Variants in CUX1 observed in about 807,000 individuals in gnomAD.
The protein encoded by CUX1 is protein CASP.
Under a neutral mutation model 158.8 loss-of-function variants are expected in CUX1, and 31 were observed. That is an observed-to-expected ratio of 0.20 (90% CI 0.15 to 0.26). The LOEUF is 0.26. Among genes scored for constraint, CUX1 ranks in the 10% least tolerant of loss-of-function variants. The pLI is 1.00. For synonymous variants in CUX1, 879 were observed against 862.1 expected (o/e 1.02, Z -0.34); for missense variants, 1,589 against 2,014.6 (o/e 0.79, Z 4.04).
intron 2 of CUX1, among the ~76,000 whole-genome samples, chr7:101,962,428 T>G (rs1175004715): frequency 2.0e-5 from 3 of 152,220 alleles, no homozygotes; most frequent in Non-Finnish European, 4.4e-5. Flanking sequence ...CTAAAGCTGT[T>G]GTGTATAAAT....
intron 2 of CUX1, among the ~76,000 whole-genome samples, chr7:101,936,627 C>T (rs1253312712): frequency 6.6e-6 from 1 of 152,138 alleles, no homozygotes; most frequent in African/African-American, 2.4e-5. Flanking sequence ...GCCCGGCTGC[C>T]GTGGGTGGTC....
intron 21 of CUX1, among the ~76,000 whole-genome samples, chr7:102,229,504 G>T (rs1309200095): frequency 2.0e-5 from 3 of 150,826 alleles, no homozygotes; most frequent in Admixed American, 6.6e-5. Flanking sequence ...TAGAGACAGG[G>T]TTTCACCACG....
rs138897896 is a variant in CUX1 at position 102,044,293 on chromosome 7, G to A, written c.189+16148G>A. On this transcript the variant is annotated intron_variant, in intron 3 of 23. Coordinates refer to ENST00000292535, the MANE Select transcript of CUX1 (RefSeq NM_181552.4). ...CAACCTCCACCTCCTAGGTTCCAGCGATTCTCCTGCCTCAGCCTCCCAAGT... is the reference window on the plus strand; with the variant it reads ...CAACCTCCACCTCCTAGGTTCCAGCAATTCTCCTGCCTCAGCCTCCCAAGT... Among the ~76,000 whole-genome samples the A allele has an allele frequency of 8.8e-3, 1,341 of 152,124 alleles. 15 individuals are homozygous for A. Among genetic ancestry groups the A allele is most frequent in the Non-Finnish European group, 0.013 (886 of 67,988 alleles).
intron 22 of CUX1, chr7:102,282,795 G>GCC: frequency 1.9e-6 from 3 of 1,595,576 alleles, no homozygotes; most frequent in Non-Finnish European, 2.6e-6. Context: ...CCCCACTTGG[G>GCC]CCCCCCCTCA....
chr7:102,193,769 T>C (rs1794513756), intron 12 of CUX1, 73 bp from the exon 13 acceptor site: 1 of 1,520,188 alleles, frequency 6.6e-7, no homozygotes. Context: ...GCCACTGCAC[T>C]CTAGCCTGGG....
At chr7:102,020,269 C>G (rs1321419433) in intron 2 of CUX1, among the ~76,000 whole-genome samples, 3 of 152,142 alleles carry the variant, frequency 2.0e-5, no homozygotes, top group Non-Finnish European at 2.9e-5. Flanking sequence ...ATAAAAGTAA[C>G]CAAAGGAACG....
At chr7:102,210,037 T>G (rs1254850869) in intron 20 of CUX1, among the ~76,000 whole-genome samples, 1 of 152,096 alleles carries the variant, frequency 6.6e-6, no homozygotes, top group Non-Finnish European at 1.5e-5. Flanking sequence ...ATAGACACTT[T>G]CCACCACACT....
At chr7:101,839,822 C>T (rs117855630) in intron 1 of CUX1, among the ~76,000 whole-genome samples, 2,952 of 152,204 alleles carry the variant, frequency 0.019, 47 homozygotes, top group South Asian at 0.058. Context: ...AGTACAATGG[C>T]GCGGTCTTGG....
chr7:101,992,302 G>A (rs954716438), intron 2 of CUX1, among the ~76,000 whole-genome samples: 1 of 152,136 alleles, frequency 6.6e-6, no homozygotes, highest in African/African-American at 2.4e-5. Flanking sequence ...TACCTGCTCA[G>A]CAGTATTGTG....
intron 2 of CUX1, among the ~76,000 whole-genome samples, chr7:101,965,573 C>G (rs1279766878): frequency 6.6e-6 from 1 of 152,006 alleles, no homozygotes; most frequent in Non-Finnish European, 1.5e-5. Flanking sequence ...CTTGGCCAGG[C>G]GCGGTGGCTC....
chr7:102,100,989 G>A (rs1301220939), intron 5 of CUX1, among the ~76,000 whole-genome samples: 2 of 152,188 alleles, frequency 1.3e-5, no homozygotes, highest in South Asian at 2.1e-4. Context: ...GGCAGAAGGT[G>A]AAAGAGGATC....
chr7:101,932,665 A>G (rs1402438847), intron 2 of CUX1: 3 of 445,988 alleles, frequency 6.7e-6, no homozygotes, highest in Non-Finnish European at 4.5e-6. Context: ...GCAGACAAGT[A>G]TATTTTCATT....
chr7:102,197,330 C>T (rs1554518674), intron 15 of CUX1, 25 bp downstream of exon 15: 20 of 1,603,208 alleles, frequency 1.2e-5, no homozygotes, highest in Non-Finnish European at 1.7e-5. Context: ...TTGGGTGGCG[C>T]CAGCGTGCGA....
intron 2 of CUX1, among the ~76,000 whole-genome samples, chr7:101,947,921 T>A (rs1007293938): frequency 2.0e-5 from 3 of 152,224 alleles, no homozygotes; most frequent in African/African-American, 7.2e-5. Context: ...TCCTGAGGAC[T>A]ATTGCTTACG....
chr7:101,986,850 G>A (rs1440563199), intron 2 of CUX1, among the ~76,000 whole-genome samples: 1 of 152,212 alleles, frequency 6.6e-6, no homozygotes, highest in Non-Finnish European at 1.5e-5. Flanking sequence ...CTCCAACTCA[G>A]AGCTGATGCT....
intron 1 of CUX1, among the ~76,000 whole-genome samples, chr7:101,898,889 G>A (rs1801844642): frequency 6.6e-6 from 1 of 152,160 alleles, no homozygotes; most frequent in Non-Finnish European, 1.5e-5. Flanking sequence ...ACCGCACCCG[G>A]CTAATTTCCT....
intron 1 of CUX1, among the ~76,000 whole-genome samples, chr7:101,854,882 C>G (rs570626596): frequency 6.6e-6 from 1 of 152,296 alleles, no homozygotes; most frequent in Non-Finnish European, 1.5e-5. Flanking sequence ...GTAGCTGGGA[C>G]TACAGGCATG....
At chr7:102,125,566 G>T (rs995240193) in intron 8 of CUX1, 1 of 151,886 alleles carries the variant, frequency 6.6e-6, no homozygotes, top group Non-Finnish European at 1.5e-5. Flanking sequence ...CACGCTGCCC[G>T]GTTCCACCCA....
At chr7:102,072,986 T>C (rs1158785564) in intron 4 of CUX1, among the ~76,000 whole-genome samples, 1 of 151,996 alleles carries the variant, frequency 6.6e-6, no homozygotes, top group Non-Finnish European at 1.5e-5. Context: ...TCCATTCTAT[T>C]CCAAGAAGTT....
Sources: allele counts gnomAD v4.1 joint callset (sites outside exome capture counted in the v4.1 genomes callset), GRCh38; gene constraint gnomAD v4.1.1; transcripts MANE v1.5; gene names NCBI Gene and HGNC (gene_info 2026-07-23, HGNC 2026-07-21).